MIGA1: variants seen among roughly 807,000 people sequenced by gnomAD.
MIGA1 encodes family with sequence similarity 73, member A.
A neutral mutation model predicts 82.0 loss-of-function variants in MIGA1; 58 were observed. The observed-to-expected ratio is 0.71, with a 90% confidence interval of 0.57 to 0.88. MIGA1 has a LOEUF of 0.88. Ranked by LOEUF, MIGA1 falls within the 40% of genes least tolerant of loss-of-function variation. The pLI is 0.00. For synonymous variants in MIGA1, 249 were observed against 253.6 expected (o/e 0.98, Z 0.17); for missense variants, 751 against 749.1 (o/e 1.00, Z -0.03).
intron 14 of MIGA1, among the ~76,000 whole-genome samples, chr1:77,867,691 A>T (rs1685728765): frequency 6.6e-6 from 1 of 152,254 alleles, no homozygotes; most frequent in African/African-American, 2.4e-5. Flanking sequence ...TAGTGCATTA[A>T]GCAAGTATTG....
intron 2 of MIGA1, among the ~76,000 whole-genome samples, chr1:77,800,914 G>A (rs1316006630): frequency 6.6e-6 from 1 of 152,124 alleles, no homozygotes; most frequent in Non-Finnish European, 1.5e-5. Context: ...TATTTAGAAA[G>A]TATTTAGAAA....
intron 14 of MIGA1, chr1:77,868,577 A>G (rs935674737): frequency 3.3e-5 from 5 of 152,164 alleles, no homozygotes; most frequent in Non-Finnish European, 7.3e-5. Context: ...CTTAGGAACT[A>G]TTTCCTATAC....
intron 9 of MIGA1, 62 bp from the exon 10 acceptor site, chr1:77,859,252 A>T: frequency 3.6e-6 from 5 of 1,387,634 alleles, no homozygotes; most frequent in Non-Finnish European, 5.1e-6. Flanking sequence ...TTTGAATCCA[A>T]ATTTATAGTA....
intron 8 of MIGA1, 71 bp downstream of exon 8, chr1:77,843,478 C>G: frequency 8.6e-7 from 1 of 1,169,572 alleles, no homozygotes; most frequent in South Asian, 1.3e-5. Flanking sequence ...TGTCATTATA[C>G]TGTAATTCAG....
intron 14 of MIGA1, among the ~76,000 whole-genome samples, chr1:77,869,657 G>GC (rs1187970182): frequency 1.5e-5 from 2 of 133,004 alleles, no homozygotes; most frequent in Non-Finnish European, 3.3e-5. Context: ...GGGCAGAGGC[G>GC]CCCCTCACCT....
At chr1:77,780,483 T>G (rs1457823188) in intron 1 of MIGA1, among the ~76,000 whole-genome samples, 1 of 152,200 alleles carries the variant, frequency 6.6e-6, no homozygotes, top group Non-Finnish European at 1.5e-5. Flanking sequence ...CAGAGTTAGG[T>G]TATATAGATT....
chr1:77,875,669 C>T lies in MIGA1; in HGVS notation c.*605C>T, dbSNP rs564172928. 1 of 152,572 alleles carries T rather than the reference C, an allele frequency of 6.6e-6. No homozygotes were observed. The highest frequency in any genetic ancestry group is 1.9e-4 in the East Asian group (1 of 5,184). 9.5% of individuals were successfully genotyped at this position (152,572 alleles called of 1,614,324 possible). A position where few individuals can be genotyped will look rare whatever the true frequency, so the allele number is the denominator to read the frequency against. On this transcript the variant is annotated 3_prime_UTR_variant, in exon 16 of 16. Coordinates refer to ENST00000370791, the MANE Select transcript of MIGA1 (RefSeq NM_198549.4). Reference sequence around the variant, plus strand: ...ATAGAACATTTAAATGGGCCACTTGCAGTGGCTCATGCCTGTAATACATTG... The same window carrying T: ...ATAGAACATTTAAATGGGCCACTTGTAGTGGCTCATGCCTGTAATACATTG...
At chr1:77,865,286 A>G (rs187707673) in intron 13 of MIGA1, among the ~76,000 whole-genome samples, 33 of 152,132 alleles carry the variant, frequency 2.2e-4, no homozygotes, top group Non-Finnish European at 4.7e-4. Flanking sequence ...CAATAGTACT[A>G]TTCTTGAAAA....
intron 2 of MIGA1, among the ~76,000 whole-genome samples, chr1:77,793,253 C>T (rs1253773848): frequency 1.3e-5 from 2 of 151,922 alleles, no homozygotes; most frequent in Non-Finnish European, 2.9e-5. Context: ...CAGGCATGCA[C>T]CACCATGCCT....
intron 2 of MIGA1, among the ~76,000 whole-genome samples, chr1:77,783,700 C>T (rs1557891376): frequency 1.3e-5 from 2 of 152,080 alleles, no homozygotes. Context: ...ATAAAATTGA[C>T]CATTTTGATC....
chr1:77,796,364 C>T (rs1000931785), intron 2 of MIGA1, among the ~76,000 whole-genome samples: 1 of 152,000 alleles, frequency 6.6e-6, no homozygotes, highest in Non-Finnish European at 1.5e-5. Context: ...GTGATCCACC[C>T]GCCTTGGCCT....
intron 14 of MIGA1, among the ~76,000 whole-genome samples, chr1:77,871,139 A>AGGGAGAGGGAGAGGGAGG (rs1685980630): frequency 1.4e-5 from 2 of 142,918 alleles, no homozygotes; most frequent in South Asian, 4.8e-4. Context: ...GGAGAGGGAG[A>AGGGAGAGGGAGAGGGAGG]GGGCAGCACA....
intron 3 of MIGA1, among the ~76,000 whole-genome samples, chr1:77,802,502 G>T (rs954953122): frequency 6.6e-6 from 1 of 152,194 alleles, no homozygotes; most frequent in Admixed American, 6.5e-5. Flanking sequence ...TGTGCAGCAT[G>T]GTGACTCGTT....
intron 7 of MIGA1, 68 bp downstream of exon 7, chr1:77,815,299 G>A: frequency 7.8e-7 from 1 of 1,280,266 alleles, no homozygotes; most frequent in Non-Finnish European, 1.0e-6. Flanking sequence ...GGAATCATCT[G>A]CATAAGTGTC....
At chr1:77,832,826 G>C (rs370674915) in intron 7 of MIGA1, among the ~76,000 whole-genome samples, 3 of 152,208 alleles carry the variant, frequency 2.0e-5, no homozygotes, top group Admixed American at 6.5e-5. Flanking sequence ...TTATGAGTTT[G>C]AAGAAGTCTG....
chr1:77,878,500 A>T lies in MIGA1; in HGVS notation c.*3436A>T. The T allele has an allele frequency of 5.6e-6, 1 of 178,928 alleles. No individual in the cohort carries two copies. The highest frequency in any genetic ancestry group is 1.1e-5 in the Non-Finnish European group (1 of 87,278). 11.1% of individuals were successfully genotyped at this position (178,928 alleles called of 1,614,324 possible). A position where few individuals can be genotyped will look rare whatever the true frequency, so the allele number is the denominator to read the frequency against. On this transcript the variant is annotated 3_prime_UTR_variant, in exon 16 of 16. Coordinates refer to ENST00000370791, the MANE Select transcript of MIGA1 (RefSeq NM_198549.4). ...ATGTCTTTAAAAATGATTAGTTTAG[A>T]GCCTTTTAGGGTAAACCCTGTTTAA...
Position 77,798,145 on chromosome 1 carries a change from T to A in MIGA1, c.196-3186T>A, listed in dbSNP as rs553540384. 5.3e-5 allele frequency among the ~76,000 whole-genome samples: 8 copies of A among 152,314 alleles called. No homozygotes were observed. The South Asian group carries it at 1.4e-3, about 28-fold the overall frequency. ...CCCCAGAGTTACCATAACAAATTAC[T>A]ACAAACTTGGTGACTTACAACAATA... On this transcript the variant is annotated intron_variant, in intron 2 of 15. Transcript: ENST00000370791.
At chr1:77,839,463 C>T (rs940968277) in intron 7 of MIGA1, among the ~76,000 whole-genome samples, 1 of 151,796 alleles carries the variant, frequency 6.6e-6, no homozygotes, top group South Asian at 2.1e-4. Flanking sequence ...CTTGAACTTA[C>T]GGGCTCAAGC....
At chr1:77,857,322 GT>G (rs58521309) in intron 8 of MIGA1, among the ~76,000 whole-genome samples, 100,872 of 144,088 alleles carry the variant, frequency 0.7, 36,792 homozygotes, top group Non-Finnish European at 0.83. Context: ...GTGTACTTTG[GT>G]TTTTTTTTTT....
Sources: allele counts gnomAD v4.1 joint callset (sites outside exome capture counted in the v4.1 genomes callset), GRCh38; gene constraint gnomAD v4.1.1; transcripts MANE v1.5; gene names NCBI Gene and HGNC (gene_info 2026-07-23, HGNC 2026-07-21).